Variants in USP54 observed in about 807,000 individuals in gnomAD.
The protein encoded by USP54 is ubiquitin specific peptidase 54.
Under a neutral mutation model 170.5 loss-of-function variants are expected in USP54, and 87 were observed. That is an observed-to-expected ratio of 0.51 (90% CI 0.43 to 0.61). USP54 has a LOEUF of 0.61. Ranked by LOEUF, USP54 falls within the 20% of genes least tolerant of loss-of-function variation. The probability of loss-of-function intolerance (pLI) is 0.00; values close to 1 mark genes in which losing one functional copy is unlikely to be tolerated. For synonymous variants in USP54, 655 were observed against 742.8 expected, an observed-to-expected ratio of 0.88 and a Z score of 1.92; for missense variants, 1,786 against 2,047.8, an observed-to-expected ratio of 0.87 and a Z score of 2.47.
chr10:73,618,900 G>A (rs2080865907), intron 1 of USP54, among the ~76,000 whole-genome samples: 1 of 150,006 alleles, frequency 6.7e-6, no homozygotes, highest in South Asian at 2.1e-4. Flanking sequence ...AACAGAGCGA[G>A]ACTCCATCTC....
intron 1 of USP54, among the ~76,000 whole-genome samples, chr10:73,587,551 G>C (rs995992489): frequency 2.6e-5 from 4 of 152,140 alleles, no homozygotes; most frequent in African/African-American, 9.7e-5. Flanking sequence ...TTTTAGTGGA[G>C]ATCCAAAGGG....
intron 20 of USP54, chr10:73,505,636 C>A (rs1254162815): frequency 2.0e-5 from 8 of 399,390 alleles, no homozygotes; most frequent in Non-Finnish European, 2.7e-5. Flanking sequence ...TTTGGGAGGC[C>A]AACACGGGCA....
intron 3 of USP54, among the ~76,000 whole-genome samples, chr10:73,573,846 T>C (rs2075675005): frequency 6.6e-6 from 1 of 152,248 alleles, no homozygotes; most frequent in African/African-American, 2.4e-5. Context: ...GTATTATGAA[T>C]GAGGAAACTC....
chr10:73,498,844 G>A lies in USP54; in HGVS notation c.4840C>T (p.Leu1614=). The change falls in exon 24 of 24, where the codon CTG becomes TTG. Residue 1614 remains leucine, a synonymous_variant. Transcript: ENST00000687698. Reference sequence around the variant, plus strand: ...GGATCTGAATTCCAAGCTGACCTCAGGGGTACATGAAGACTGCTAGATGGT... The same window carrying A: ...GGATCTGAATTCCAAGCTGACCTCAAGGGTACATGAAGACTGCTAGATGGT... The part of the protein sequence containing the change: ...YPPSSSLHVP[L]RSAWNSDPVP... 1 of 1,613,400 alleles carries A rather than the reference G, an allele frequency of 6.2e-7. No homozygotes were observed. Among genetic ancestry groups the A allele is most frequent in the Non-Finnish European group, 8.5e-7 (1 of 1,179,584 alleles).
intron 1 of USP54, among the ~76,000 whole-genome samples, chr10:73,579,301 T>C (rs1341705407): frequency 6.6e-6 from 1 of 152,150 alleles, no homozygotes; most frequent in East Asian, 1.9e-4. Flanking sequence ...GAAAAAATTA[T>C]AGAATTGAAC....
intron 22 of USP54, 99 bp downstream of exon 22, chr10:73,504,751 A>C (rs1018674927): frequency 3.3e-6 from 5 of 1,533,262 alleles, no homozygotes; most frequent in African/African-American, 1.4e-5. Context: ...CTTTCCTCAC[A>C]TTACAACCTT....
At chr10:73,512,032 C>T (rs1218106004) in intron 20 of USP54, among the ~76,000 whole-genome samples, 1 of 152,140 alleles carries the variant, frequency 6.6e-6, no homozygotes, top group Non-Finnish European at 1.5e-5. Context: ...AGGCGTGAGC[C>T]ACCGCACCTG....
intron 4 of USP54, among the ~76,000 whole-genome samples, chr10:73,561,332 A>G (rs2072994505): frequency 6.6e-6 from 1 of 152,064 alleles, no homozygotes; most frequent in Non-Finnish European, 1.5e-5. Flanking sequence ...CATTTCTAAA[A>G]CTTCATGAAG....
At chr10:73,505,899 TATAG>T (rs1443560408) in intron 20 of USP54, 2 of 152,486 alleles carry the variant, frequency 1.3e-5, no homozygotes, top group Non-Finnish European at 2.9e-5. Context: ...AATTTTAGAA[TATAG>T]ATAGTTTACT....
At chr10:73,526,858 C>CT in intron 15 of USP54, 78 bp from the exon 16 acceptor site, 3 of 1,120,208 alleles carry the variant, frequency 2.7e-6, no homozygotes, top group Non-Finnish European at 1.2e-6. Flanking sequence ...ATCTCTCTCT[C>CT]AAAAAAAAAA....
At chr10:73,582,055 C>T (rs533635739) in intron 1 of USP54, among the ~76,000 whole-genome samples, 5 of 152,186 alleles carry the variant, frequency 3.3e-5, no homozygotes, top group African/African-American at 4.8e-5. Context: ...TGCAGCCACC[C>T]TAATTATCCC....
chr10:73,501,191 T>C (rs1446003473), intron 22 of USP54, among the ~76,000 whole-genome samples: 1 of 152,136 alleles, frequency 6.6e-6, no homozygotes, highest in Non-Finnish European at 1.5e-5. Context: ...TCAGAAAGCC[T>C]GAGAGAATGA....
intron 1 of USP54, among the ~76,000 whole-genome samples, chr10:73,613,027 C>T (rs576154833): frequency 6.6e-6 from 1 of 150,878 alleles, no homozygotes; most frequent in African/African-American, 2.4e-5. Context: ...CATGGTGGTG[C>T]GTGCCTCTGG....
intron 1 of USP54, among the ~76,000 whole-genome samples, chr10:73,617,610 C>G (rs1334961058): frequency 1.3e-5 from 2 of 149,992 alleles, no homozygotes; most frequent in Non-Finnish European, 2.9e-5. Flanking sequence ...TGGAAAAATT[C>G]CTTGAGTTCA....
intron 1 of USP54, among the ~76,000 whole-genome samples, chr10:73,598,368 C>T (rs566681236): frequency 2.0e-5 from 3 of 152,210 alleles, no homozygotes; most frequent in Middle Eastern, 3.4e-3. Context: ...TGAATGAGCT[C>T]AAACTATAAA....
chr10:73,611,469 T>G (rs554731156), intron 1 of USP54: 1 of 151,834 alleles, frequency 6.6e-6, no homozygotes, highest in Non-Finnish European at 1.5e-5. Flanking sequence ...GGCAACATAG[T>G]GAGAACCCAG....
chr10:73,544,105 G>T (rs1370346056), intron 5 of USP54, among the ~76,000 whole-genome samples: 1 of 152,022 alleles, frequency 6.6e-6, no homozygotes, highest in Non-Finnish European at 1.5e-5. Flanking sequence ...ACCACGCCTG[G>T]CTAAGTTTTG....
intron 8 of USP54, 40 bp from the exon 9 acceptor site, chr10:73,541,561 C>T (rs1286065301): frequency 6.2e-7 from 1 of 1,613,568 alleles, no homozygotes; most frequent in South Asian, 1.1e-5. Context: ...ATGTTTCCCA[C>T]TGGCTTTGCA....
intron 1 of USP54, among the ~76,000 whole-genome samples, chr10:73,587,028 CG>C (rs1194296545): frequency 1.3e-5 from 2 of 152,126 alleles, no homozygotes; most frequent in Non-Finnish European, 2.9e-5. Flanking sequence ...CAAAAAGGCA[CG>C]TTTCACTTTG....
Sources: gnomAD v4.1 joint callset for allele counts (sites outside exome capture counted in the v4.1 genomes callset) on GRCh38, gnomAD v4.1.1 for gene constraint, MANE v1.5 for transcripts, NCBI Gene and HGNC (gene_info 2026-07-23, HGNC 2026-07-21) for gene names.